ZNF836: variants seen among roughly 807,000 people sequenced by gnomAD.
ZNF836 encodes the protein zinc finger protein 836.
Under a neutral mutation model 7.4 loss-of-function variants are expected in ZNF836, and 12 were observed. The observed-to-expected ratio is 1.61, with a 90% CI of 1.03 to 2.61. ZNF836 has a LOEUF of 2.61. Among genes scored for constraint, ZNF836 ranks in the 30% most tolerant of loss-of-function variants. ZNF836 has a pLI of 0.00. For missense variants in ZNF836, 998 were observed against 1,126.2 expected, an observed-to-expected ratio of 0.89 and a Z score of 1.63; for synonymous variants, 365 against 382.6, an observed-to-expected ratio of 0.95 and a Z score of 0.54.
intron 3 of ZNF836, among the ~76,000 whole-genome samples, chr19:52,162,715 G>C (rs1217504172): frequency 6.6e-6 from 1 of 152,132 alleles, no homozygotes; most frequent in East Asian, 1.9e-4. Context: ...ATCACAGCAG[G>C]CTTGCAAGAC....
At chr19:52,162,971 T>C (rs574927644) in intron 3 of ZNF836, among the ~76,000 whole-genome samples, 2 of 152,176 alleles carry the variant, frequency 1.3e-5, no homozygotes, top group Non-Finnish European at 2.9e-5. Flanking sequence ...TGGTGGCTGG[T>C]CCGCACCTGG....
At chr19:52,158,580 T>C (rs571221485) in intron 4 of ZNF836, among the ~76,000 whole-genome samples, 10 of 151,960 alleles carry the variant, frequency 6.6e-5, no homozygotes, top group Admixed American at 3.3e-4. Context: ...CCGTCTCTAC[T>C]AAAAATACAA....
chr19:52,164,795 A>G (rs1245299402), intron 3 of ZNF836, among the ~76,000 whole-genome samples: 1 of 152,188 alleles, frequency 6.6e-6, no homozygotes, highest in Non-Finnish European at 1.5e-5. Flanking sequence ...GAAAGGCATA[A>G]TATAATCAAA....
rs180954312 is a variant in ZNF836 at position 52,154,726 on chromosome 19, G to A, written c.*146C>T. 1,778 of 641,270 alleles carry A rather than the reference G, an allele frequency of 2.8e-3. 3 individuals are homozygous for A. The highest frequency in any genetic ancestry group is 4.9e-3 in the Admixed American group (135 of 27,378). The allele number at this position is 641,270 out of a possible 1,614,324, so 39.7% of individuals were successfully genotyped here. On this transcript the variant is annotated 3_prime_UTR_variant, in exon 5 of 5. Transcript: ENST00000682614. ...CACTATCCCAAGAAGAGCAAAAAGC[G>A]GGTGGTGCTAAACCATTCTTGAGAA...
At chr19:52,164,918 T>C (rs1961064061) in intron 3 of ZNF836, among the ~76,000 whole-genome samples, 1 of 152,082 alleles carries the variant, frequency 6.6e-6, no homozygotes, top group Non-Finnish European at 1.5e-5. Context: ...TGAAACCCCC[T>C]CTCTCTGAAA....
At chr19:52,164,593 G>GA (rs920523210) in intron 3 of ZNF836, among the ~76,000 whole-genome samples, 3 of 152,004 alleles carry the variant, frequency 2.0e-5, no homozygotes, top group Admixed American at 6.6e-5. Context: ...ACAGAAGAAG[G>GA]AATCAGTGAA....
At chr19:52,160,742 T>G in intron 3 of ZNF836, 151 bp from the exon 4 acceptor site, 3 of 920,628 alleles carry the variant, frequency 3.3e-6, no homozygotes, top group Middle Eastern at 2.3e-4. Flanking sequence ...GTCCCTAATT[T>G]AAGTTTGTTT....
rs1486318328 is a variant in ZNF836 at position 52,154,977 on chromosome 19, G to A, written c.2706C>T (p.Arg902=). ...TTGTCTGATGTTTAGTGAGGCCTGA[G>A]CGACTAATGAAAGATTTGCCACACT... ...CNECGKSFIS[R]SGLTKHQTKH... The change falls in exon 5 of 5, where the codon CGC becomes CGT. Residue 902 remains arginine (R), a synonymous_variant. Coordinates refer to ENST00000682614, the MANE Select transcript of ZNF836 (RefSeq NM_001102657.3). 1.2e-6 allele frequency: 2 copies of A among 1,609,810 alleles called. No individual in the cohort carries two copies. Among genetic ancestry groups the A allele is most frequent in the African/African-American group, 2.7e-5 (2 of 74,838 alleles).
At chr19:52,159,694 A>G (rs1019713503) in intron 4 of ZNF836, among the ~76,000 whole-genome samples, 1 of 152,192 alleles carries the variant, frequency 6.6e-6, no homozygotes, top group African/African-American at 2.4e-5. Flanking sequence ...ATGGGAGTGT[A>G]AAATTAATAT....
chr19:52,165,021 C>T (rs1286374702), intron 3 of ZNF836, among the ~76,000 whole-genome samples: 1 of 152,052 alleles, frequency 6.6e-6, no homozygotes, highest in Admixed American at 6.6e-5. Context: ...ACCTGGGAGG[C>T]GGAGGTTGCA....
At chr19:52,170,206 TTA>T (rs2089297230) in intron 1 of ZNF836, among the ~76,000 whole-genome samples, 2 of 152,170 alleles carry the variant, frequency 1.3e-5, no homozygotes, top group South Asian at 2.1e-4. Context: ...TTTCTCCTCT[TTA>T]TGTCTGTTCT....
At chr19:52,171,261 A>C (rs937470044) in intron 1 of ZNF836, 75 bp downstream of exon 1, 5 of 152,414 alleles carry the variant, frequency 3.3e-5, no homozygotes, top group African/African-American at 1.2e-4. Context: ...CATGGTCCTA[A>C]GGCAGAAAGG....
At chr19:52,167,964 A>C in intron 3 of ZNF836, 94 bp downstream of exon 3, 1 of 909,112 alleles carries the variant, frequency 1.1e-6, no homozygotes, top group Admixed American at 1.9e-5. Context: ...CGTGTCAGGC[A>C]GGATGCTTCA....
chr19:52,164,533 T>C (rs1161298363), intron 3 of ZNF836, among the ~76,000 whole-genome samples: 3 of 151,258 alleles, frequency 2.0e-5, no homozygotes, highest in Non-Finnish European at 2.9e-5. Context: ...AAAAATAAAA[T>C]AACTGAGTTG....
Position 52,168,049 on chromosome 19 carries a change from T to A in ZNF836, c.15+9A>T. The A allele has an allele frequency of 1.3e-6, 2 of 1,596,402 alleles. No homozygotes were observed. Among genetic ancestry groups the A allele is most frequent in the Non-Finnish European group, 1.7e-6 (2 of 1,164,738 alleles). On this transcript the variant is annotated intron_variant, in intron 3 of 4. Coordinates refer to ENST00000682614, the MANE Select transcript of ZNF836 (RefSeq NM_001102657.3). ...GAGACAGAATGATCCACTAAGAATA[T>A]CATTTTACCTGTGTAAGAGCCATCC...
chr19:52,156,457 C>T lies in ZNF836; in HGVS notation c.1226G>A (p.Ser409Asn). 6.2e-7 allele frequency: 1 copy of T among 1,613,790 alleles called. No homozygotes were observed. Among genetic ancestry groups the T allele is most frequent in the African/African-American group, 1.3e-5 (1 of 74,886 alleles). Residue 409 changes from serine (S) to asparagine (N), a missense_variant, in exon 5 of 5, where the codon AGT (serine) becomes AAT (asparagine). Physicochemically the swap from Ser to Asn is conservative, Grantham distance 46. Transcript: ENST00000682614. ...ATCACATTTGTAAGGTTTGTTTCCA[C>T]TATGAACTGTCTGATGAGTTGCCAG... ...SNLATHQTVH[S>N]GNKPYKCDEC...
At chr19:52,167,200 G>A (rs1237333992) in intron 3 of ZNF836, among the ~76,000 whole-genome samples, 6 of 151,728 alleles carry the variant, frequency 4.0e-5, no homozygotes, top group African/African-American at 7.3e-5. Flanking sequence ...GGCCAGGCAC[G>A]GTGGGTCACA....
intron 3 of ZNF836, among the ~76,000 whole-genome samples, chr19:52,163,540 C>A (rs774034282): frequency 4.6e-5 from 7 of 152,002 alleles, no homozygotes; most frequent in African/African-American, 1.5e-4. Context: ...TTTGGGAGGC[C>A]GAGGTGGGCG....
intron 3 of ZNF836, among the ~76,000 whole-genome samples, chr19:52,163,589 A>T (rs576135538): frequency 3.3e-5 from 5 of 152,310 alleles, no homozygotes; most frequent in Middle Eastern, 3.4e-3. Context: ...CCTGGCCAAC[A>T]TGGTGAAACC....
Sources: gnomAD v4.1 joint callset for allele counts (sites outside exome capture counted in the v4.1 genomes callset) on GRCh38, gnomAD v4.1.1 for gene constraint, MANE v1.5 for transcripts, NCBI Gene and HGNC (gene_info 2026-07-23, HGNC 2026-07-21) for gene names.